The following HIVEP3 variants were observed in gnomAD, a reference collection of about 807,000 sequenced individuals.
HIVEP3 encodes the protein HIVEP zinc finger 3.
Under a neutral mutation model 152.8 loss-of-function variants are expected in HIVEP3, and 49 were observed. The observed-to-expected ratio is 0.32, with a 90% CI of 0.26 to 0.41. HIVEP3 has a LOEUF of 0.41. Ranked by LOEUF, HIVEP3 falls within the 10% of genes least tolerant of loss-of-function variation. The probability of loss-of-function intolerance (pLI) is 1.00; values close to 1 mark genes in which losing one functional copy is unlikely to be tolerated. For missense variants in HIVEP3, 2,790 were observed against 3,103.3 expected (o/e 0.90, Z 2.40); for synonymous variants, 1,269 against 1,289.0 (o/e 0.98, Z 0.33).
chr1:41,522,992 C>T (rs1237616925), intron 6 of HIVEP3, among the ~76,000 whole-genome samples: 2 of 152,214 alleles, frequency 1.3e-5, no homozygotes, highest in African/African-American at 4.8e-5. Flanking sequence ...TGGGGTGATG[C>T]CCTGGAGCTC....
intron 1 of HIVEP3, among the ~76,000 whole-genome samples, chr1:41,860,903 G>A (rs938138303): frequency 6.6e-6 from 1 of 152,210 alleles, no homozygotes; most frequent in African/African-American, 2.4e-5. Context: ...AGCGAAACTG[G>A]CAGCCAAAAT....
intron 1 of HIVEP3, among the ~76,000 whole-genome samples, chr1:41,951,326 A>T (rs980232058): frequency 2.0e-5 from 3 of 152,224 alleles, no homozygotes; most frequent in African/African-American, 7.2e-5. Flanking sequence ...ACACTGTATG[A>T]TCCCATTTAT....
chr1:41,629,080 C>T, intron 2 of HIVEP3, 133 bp from the exon 3 acceptor site: 2 of 485,276 alleles, frequency 4.1e-6, no homozygotes, highest in Non-Finnish European at 6.2e-6. Flanking sequence ...TGGTACAGGG[C>T]CTGATCCCCA....
At chr1:41,921,951 C>T (rs1231914670), upstream of HIVEP3, among the ~76,000 whole-genome samples, 1 of 151,898 alleles carries the variant, frequency 6.6e-6, no homozygotes, top group Admixed American at 6.6e-5. Flanking sequence ...CACATGCACA[C>T]AAAAGAGATT....
chr1:42,023,256 C>T (rs900162657), intron 1 of HIVEP3, among the ~76,000 whole-genome samples: 1 of 152,166 alleles, frequency 6.6e-6, no homozygotes, highest in Non-Finnish European at 1.5e-5. Flanking sequence ...ATCTGCCTGC[C>T]TCTTCTTCCC....
At chr1:41,809,325 G>A (rs956665084) in intron 1 of HIVEP3, among the ~76,000 whole-genome samples, 1 of 152,182 alleles carries the variant, frequency 6.6e-6, no homozygotes, top group Non-Finnish European at 1.5e-5. Flanking sequence ...GGAACAGTGT[G>A]AGGACAGTAG....
chr1:41,831,116 C>G (rs1642952015), intron 1 of HIVEP3, among the ~76,000 whole-genome samples: 1 of 152,142 alleles, frequency 6.6e-6, no homozygotes, highest in Non-Finnish European at 1.5e-5. Flanking sequence ...AGGACAAATA[C>G]CTTGCTATAC....
intron 3 of HIVEP3, among the ~76,000 whole-genome samples, chr1:41,612,375 C>T (rs920262504): frequency 6.6e-6 from 1 of 152,188 alleles, no homozygotes; most frequent in Non-Finnish European, 1.5e-5. Flanking sequence ...GCCCCTGTAG[C>T]CACTGTCTCA....
At chr1:41,845,041 T>A (rs1643398080) in intron 1 of HIVEP3, among the ~76,000 whole-genome samples, 1 of 152,148 alleles carries the variant, frequency 6.6e-6, no homozygotes, top group African/African-American at 2.4e-5. Flanking sequence ...TCCCTGGGCA[T>A]CCACAGGGCT....
At chr1:41,838,918 G>A (rs942073933) in intron 1 of HIVEP3, among the ~76,000 whole-genome samples, 2 of 152,194 alleles carry the variant, frequency 1.3e-5, no homozygotes, top group African/African-American at 4.8e-5. Flanking sequence ...AAATCAGAAA[G>A]AGCATCTGAT....
At position 41,580,540 on chromosome 1, in the gene HIVEP3, C is replaced by G; in HGVS notation, c.4258G>C (p.Gly1420Arg). The G allele has an allele frequency of 6.2e-7, 1 of 1,614,210 alleles. No individual in the cohort carries two copies. The highest frequency in any genetic ancestry group is 2.2e-5 in the East Asian group (1 of 44,886). ...CTTCCCCCTGCTGTTGATGAACTCC[C>G]CTCCAGGCTCAAGATACTCTCTGAT... ...LSSESILSLE[G>R]SSSTAGGSKR... The change falls in exon 4 of 9, where the codon GGG becomes CGG. Residue 1420 changes from glycine (G) to arginine (R), a missense_variant. Physicochemically the swap from Gly to Arg is moderately radical, Grantham distance 125. Around this residue, in one of 9 missense-constraint regions of HIVEP3, gnomAD observed 1,078 missense variants for 1,165.3 expected, o/e 0.93. Transcript: ENST00000372583.
intron 1 of HIVEP3, among the ~76,000 whole-genome samples, chr1:41,806,701 C>T (rs1650636104): frequency 1.3e-5 from 2 of 152,186 alleles, no homozygotes; most frequent in African/African-American, 4.8e-5. Context: ...TGTGGCACTC[C>T]AGTGGGCAAG....
At chr1:41,780,595 G>A (rs780268986) in intron 1 of HIVEP3, among the ~76,000 whole-genome samples, 4 of 152,192 alleles carry the variant, frequency 2.6e-5, no homozygotes, top group Non-Finnish European at 5.9e-5. Flanking sequence ...GGAGGCTCTG[G>A]GGAAAGGATA....
intron 5 of HIVEP3, among the ~76,000 whole-genome samples, chr1:41,545,420 T>C (rs1453002348): frequency 3.1e-5 from 1 of 32,552 alleles, no homozygotes; most frequent in Admixed American, 3.0e-4. Flanking sequence ...CCACCATCGC[T>C]ACAATCACCA....
Position 41,815,897 on chromosome 1 carries a change from G to A in HIVEP3, c.-801+102516C>T, listed in dbSNP as rs185382783. ...CAATCCTCCTGTCTCAGCCTCCTGA[G>A]TAGCTGGAGAACCACATCCCCAAAA... On this transcript the variant is annotated intron_variant, in intron 1 of 8. Transcript: ENST00000372583. 8.2e-4 allele frequency among the ~76,000 whole-genome samples: 125 copies of A among 152,106 alleles called. 2 individuals are homozygous for A. The highest frequency in any genetic ancestry group is 2.8e-4 in the Non-Finnish European group (19 of 67,978).
Position 41,782,901 on chromosome 1 carries a change from C to T in HIVEP3, c.-800-81906G>A, listed in dbSNP as rs1048052095. Among the ~76,000 whole-genome samples the T allele has an allele frequency of 3.9e-5, 6 of 152,208 alleles. No individual in the cohort carries two copies. The East Asian group carries it at 1.2e-3, about 29-fold the overall frequency. On this transcript the variant is annotated intron_variant, in intron 1 of 8. Transcript: ENST00000372583. ...TGTGACCAGGTCAGAACGGAGGAGC[C>T]TGGAGGCTGGGGTGGGGGCCACAAC...
At chr1:41,979,221 C>T (rs1424729083) in intron 1 of HIVEP3, among the ~76,000 whole-genome samples, 1 of 152,174 alleles carries the variant, frequency 6.6e-6, no homozygotes, top group Non-Finnish European at 1.5e-5. Context: ...CCACTGTTAT[C>T]CACCCTCTGG....
At chr1:41,846,806 A>G (rs1643456469) in intron 1 of HIVEP3, among the ~76,000 whole-genome samples, 1 of 152,230 alleles carries the variant, frequency 6.6e-6, no homozygotes, top group East Asian at 1.9e-4. Context: ...GGTGCCTTGC[A>G]ACAGCGGCTC....
chr1:41,928,995 T>A (rs1223557218), intron 1 of HIVEP3, among the ~76,000 whole-genome samples: 1 of 152,168 alleles, frequency 6.6e-6, no homozygotes, highest in Admixed American at 6.5e-5. Context: ...TTCTCCAATA[T>A]GAAATTACTA....
Sources: gnomAD v4.1 joint callset for allele counts (sites outside exome capture counted in the v4.1 genomes callset) on GRCh38, gnomAD v4.1.1 for gene constraint, gnomAD v4.1.1 regional missense constraint, MANE v1.5 for transcripts, NCBI Gene and HGNC (gene_info 2026-07-23, HGNC 2026-07-21) for gene names.